The following RGS6 variants were observed in gnomAD, a reference collection of about 807,000 sequenced individuals.
RGS6 encodes the protein regulator of G-protein signaling 6.
In RGS6, 30 loss-of-function variants were observed where a neutral mutation model predicts 78.5. The observed-to-expected ratio is 0.38, with a 90% CI of 0.29 to 0.52. The LOEUF (loss-of-function observed/expected upper bound fraction) is 0.52. RGS6 is among the 20% of genes least tolerant of loss of function. RGS6 has a pLI of 0.85. For synonymous variants in RGS6, 206 were observed against 206.0 expected (o/e 1.00, Z 0.00); for missense variants, 495 against 609.7 (o/e 0.81, Z 1.98).
intron 3 of RGS6, among the ~76,000 whole-genome samples, chr14:72,451,754 A>AT (rs149787891): frequency 0.031 from 4,638 of 149,274 alleles, 224 homozygotes; most frequent in African/African-American, 0.11. Context: ...GAAAAGAACT[A>AT]TTTTTTTTTT....
intron 2 of RGS6, among the ~76,000 whole-genome samples, chr14:72,330,188 T>A (rs771912205): frequency 2.6e-5 from 4 of 152,198 alleles, no homozygotes; most frequent in Non-Finnish European, 5.9e-5. Context: ...GGTCCAGTTC[T>A]CCCCCATTTG....
At chr14:72,547,740 G>GC (rs11458631) in intron 17 of RGS6, among the ~76,000 whole-genome samples, 152,167 of 152,170 alleles carry the variant, frequency 1, 76,082 homozygotes, top group Middle Eastern at 1. Context: ...CAGTGGCAGG[G>GC]CCACAGGGCA....
intron 2 of RGS6, among the ~76,000 whole-genome samples, chr14:72,273,110 C>A (rs2060185807): frequency 6.7e-6 from 1 of 149,028 alleles, no homozygotes; most frequent in Admixed American, 6.8e-5. Context: ...CCAGCCTCGG[C>A]TACAAGGGCA....
intron 3 of RGS6, among the ~76,000 whole-genome samples, chr14:72,403,579 A>C (rs989642177): frequency 2.6e-5 from 4 of 152,208 alleles, no homozygotes; most frequent in African/African-American, 9.6e-5. Context: ...ATATTTTCAA[A>C]TAGCTAGAAT....
chr14:72,348,240 G>A (rs1405036307), intron 2 of RGS6, among the ~76,000 whole-genome samples: 2 of 152,146 alleles, frequency 1.3e-5, no homozygotes, highest in Admixed American at 1.3e-4. Flanking sequence ...GATAAACAGG[G>A]CTGTACACTG....
intron 3 of RGS6, among the ~76,000 whole-genome samples, chr14:72,436,254 C>T (rs11158956): frequency 0.34 from 51,376 of 150,162 alleles, 9,208 homozygotes; most frequent in East Asian, 0.64. Flanking sequence ...AAGCTACTGC[C>T]ATCTTATTTG....
chr14:72,230,726 C>G (rs895179492), intron 2 of RGS6, among the ~76,000 whole-genome samples: 1 of 152,164 alleles, frequency 6.6e-6, no homozygotes, highest in South Asian at 2.1e-4. Flanking sequence ...TCTTCTTCCT[C>G]GGGGAAACCT....
the RGS6 span, among the ~76,000 whole-genome samples, chr14:71,920,383 A>G: frequency 6.6e-6 from 1 of 152,200 alleles, no homozygotes; most frequent in African/African-American, 2.4e-5. Flanking sequence ...TGTTGTCCCC[A>G]TTGTGAGGGG....
At chr14:72,208,486 A>T (rs1022121958) in intron 2 of RGS6, among the ~76,000 whole-genome samples, 1 of 152,168 alleles carries the variant, frequency 6.6e-6, no homozygotes, top group African/African-American at 2.4e-5. Context: ...AGAGATATAT[A>T]CCATGTCTTA....
intron 12 of RGS6, 68 bp from the exon 13 acceptor site, chr14:72,495,084 T>C (rs2096627172): frequency 2.2e-6 from 2 of 929,868 alleles, no homozygotes; most frequent in South Asian, 2.6e-5. Context: ...ATAATGTTTG[T>C]GTAAAACAGA....
At chr14:72,554,926 G>A (rs978471185) in intron 17 of RGS6, among the ~76,000 whole-genome samples, 11 of 152,148 alleles carry the variant, frequency 7.2e-5, no homozygotes, top group South Asian at 2.1e-4. Context: ...ACCCAGCTCC[G>A]GATTTGTCCC....
rs541759700 is a variant in RGS6, at chr14:72,390,287, G to A, written c.184+38093G>A. Among the ~76,000 whole-genome samples the A allele has an allele frequency of 4.3e-4, 66 of 151,736 alleles. No individual in the cohort carries two copies. In the Middle Eastern group the frequency reaches 0.01, roughly 23 times the overall value. On this transcript the variant is annotated intron_variant, in intron 3 of 17. Transcript: ENST00000553525. Reference sequence around the variant, plus strand: ...TAATTTTTGTATTTTTAGTAGAGACGGGGTTTTGCCATGTTGGCCAGGCTG... The same window carrying A: ...TAATTTTTGTATTTTTAGTAGAGACAGGGTTTTGCCATGTTGGCCAGGCTG...
chr14:72,150,132 A>G (rs1158091638), intron 2 of RGS6, among the ~76,000 whole-genome samples: 2 of 152,336 alleles, frequency 1.3e-5, no homozygotes, highest in South Asian at 4.1e-4. Flanking sequence ...AGATGAAATC[A>G]TCCTGGATTT....
the RGS6 span, among the ~76,000 whole-genome samples, chr14:71,893,733 A>C: frequency 7.2e-5 from 11 of 152,180 alleles, no homozygotes; most frequent in Non-Finnish European, 1.6e-4. Context: ...TGTACCATAC[A>C]TCACACGTTC....
chr14:72,443,609 A>G (rs1016456335), intron 3 of RGS6, among the ~76,000 whole-genome samples: 3 of 152,228 alleles, frequency 2.0e-5, no homozygotes, highest in African/African-American at 7.2e-5. Flanking sequence ...TTCAATATAA[A>G]ATGTTCATAC....
intron 2 of RGS6, among the ~76,000 whole-genome samples, chr14:72,129,222 T>C (rs1303951078): frequency 1.3e-5 from 2 of 152,164 alleles, no homozygotes; most frequent in Admixed American, 1.3e-4. Context: ...TGCTGGAAGA[T>C]AAAAGTTGAC....
intron 6 of RGS6, 28 bp from the exon 7 acceptor site, chr14:72,465,730 C>T (rs1292498054): frequency 1.3e-6 from 2 of 1,567,190 alleles, no homozygotes; most frequent in South Asian, 1.1e-5. Flanking sequence ...TGGTTTTGTA[C>T]ATGTTGTCAT....
chr14:72,606,422 C>A, the RGS6 span, among the ~76,000 whole-genome samples: 3 of 152,152 alleles, frequency 2.0e-5, no homozygotes, highest in Non-Finnish European at 2.9e-5. Flanking sequence ...TCTGCCAACC[C>A]AGGGAGGGGA....
chr14:72,375,183 C>A (rs1333646912), intron 3 of RGS6, among the ~76,000 whole-genome samples: 1 of 152,082 alleles, frequency 6.6e-6, no homozygotes, highest in Non-Finnish European at 1.5e-5. Context: ...ATGGGAAGAG[C>A]AATTCTTCCC....
Sources: allele counts gnomAD v4.1 joint callset (sites outside exome capture counted in the v4.1 genomes callset), GRCh38; gene constraint gnomAD v4.1.1; transcripts MANE v1.5; gene names NCBI Gene and HGNC (gene_info 2026-07-23, HGNC 2026-07-21).